The following ZNF84 variants were observed in gnomAD, a reference collection of about 807,000 sequenced individuals.
The protein encoded by ZNF84 is zinc finger protein 84.
ZNF84 carries 12 observed loss-of-function variants against 14.8 expected under a neutral mutation model. The observed-to-expected ratio is 0.81, with a 90% confidence interval of 0.52 to 1.31. The LOEUF (loss-of-function observed/expected upper bound fraction) is 1.31, where lower values mean the gene tolerates loss of function less well. Among genes scored for constraint, ZNF84 ranks in the 50% most tolerant of loss-of-function variants. The pLI is 0.00. For missense variants in ZNF84, 859 were observed against 878.6 expected (o/e 0.98, Z 0.28); for synonymous variants, 347 against 291.1 (o/e 1.19, Z -1.96).
At chr12:133,052,306 GGAGA>G (rs150103675) in intron 4 of ZNF84, among the ~76,000 whole-genome samples, 4 of 151,434 alleles carry the variant, frequency 2.6e-5, no homozygotes, top group Non-Finnish European at 5.9e-5. Context: ...GTGTGTACAT[GGAGA>G]GAGAGAGAGA....
chr12:133,058,512 T>C lies in ZNF84; in HGVS notation c.1797T>C (p.Tyr599=), dbSNP rs902222898. ...HQRIHTGEKP[Y]ECSLCRKAFF... ...GAATTCACACTGGAGAGAAACCCTA[T>C]GAATGCAGTCTTTGTAGGAAAGCTT... Residue 599 remains tyrosine (Y), a synonymous_variant, in exon 5 of 5, where the codon TAT becomes TAC. Coordinates refer to ENST00000539354, the MANE Select transcript of ZNF84 (RefSeq NM_001289971.2). 9.9e-6 allele frequency: 16 copies of C among 1,614,010 alleles called. No individual in the cohort carries two copies. The highest frequency in any genetic ancestry group is 1.4e-5 in the Non-Finnish European group (16 of 1,180,004).
intron 2 of ZNF84, chr12:133,047,731 T>C (rs1954006618): frequency 2.6e-6 from 1 of 382,254 alleles, no homozygotes; most frequent in Non-Finnish European, 4.9e-6. Context: ...CAAACATCAT[T>C]TTCTTCTGGA....
chr12:133,040,587 AAAAG>A (rs1466350815), intron 1 of ZNF84: 4 of 151,780 alleles, frequency 2.6e-5, no homozygotes, highest in African/African-American at 4.8e-5. Context: ...AAAAAAAAAA[AAAAG>A]AATGCTGATG....
chr12:133,049,169 CG>C (rs1279282116), intron 4 of ZNF84, among the ~76,000 whole-genome samples: 3 of 152,162 alleles, frequency 2.0e-5, no homozygotes, highest in Non-Finnish European at 4.4e-5. Flanking sequence ...TTGGCCATGA[CG>C]TTATTCTCTG....
chr12:133,037,742 T>TG (rs1953809499), intron 1 of ZNF84, 197 bp downstream of exon 1: 1 of 152,198 alleles, frequency 6.6e-6, no homozygotes. Context: ...TTCTGGGCTG[T>TG]GGGGCGGGCA....
In ZNF84 at chr12:133,059,067, A is replaced by G. The variant is rs1954213518; in HGVS notation, c.*135A>G. ...ATGAGAACTCTAAATGAGGTGGTGT[A>G]TGGAAAGCCGATCATAATTCATAGA... On this transcript the variant is annotated 3_prime_UTR_variant, in exon 5 of 5. Transcript: ENST00000539354. 1.1e-6 allele frequency: 1 copy of G among 877,078 alleles called. No homozygotes were observed. Among genetic ancestry groups the G allele is most frequent in the Non-Finnish European group, 1.7e-6 (1 of 579,440 alleles). The allele number at this position is 877,078 out of a possible 1,614,324, so 54.3% of individuals were successfully genotyped here. A position where few individuals can be genotyped will look rare whatever the true frequency, so the allele number is the denominator to read the frequency against.
At position 133,058,393 on chromosome 12, in the gene ZNF84, A is replaced by C; in HGVS notation, c.1678A>C (p.Thr560Pro). Residue 560 changes from threonine (T) to proline (P), a missense_variant, in exon 5 of 5, where the codon ACT (threonine) becomes CCT (proline). Physicochemically the swap from Thr to Pro is conservative, Grantham distance 38 (BLOSUM62 -1). Coordinates refer to ENST00000539354, the MANE Select transcript of ZNF84 (RefSeq NM_001289971.2). ...CTTTGGTGAGAAGTCAAGTCTTGCA[A>C]CTCATCAGAGAACTCATACTGGAGA... ...KAFGEKSSLA[T>P]HQRTHTGEKP... The C allele has an allele frequency of 6.2e-7, 1 of 1,614,052 alleles. No homozygotes were observed. Among genetic ancestry groups the C allele is most frequent in the Non-Finnish European group, 8.5e-7 (1 of 1,180,006 alleles).
intron 3 of ZNF84, 38 bp from the exon 4 acceptor site, chr12:133,048,715 A>G: frequency 6.5e-7 from 1 of 1,546,946 alleles, no homozygotes. Flanking sequence ...AACCCCAAGC[A>G]GTTGGGCCCA....
Position 133,041,566 on chromosome 12 carries a change from T to C in ZNF84, c.15+84T>C, listed in dbSNP as rs1486895206. On this transcript the variant is annotated intron_variant, in intron 2 of 4. Transcript: ENST00000539354. ...TTCCGGTGAAAAAGAAAAGTTTAAATAGTTAAGAAATCAGAGGAAAATAGC... is the reference window on the plus strand; with the variant it reads ...TTCCGGTGAAAAAGAAAAGTTTAAACAGTTAAGAAATCAGAGGAAAATAGC... The C allele has an allele frequency of 4.2e-6, 6 of 1,424,132 alleles. No homozygotes were observed. In the East Asian group the frequency reaches 1.4e-4, roughly 32 times the overall value. 88.2% of individuals were successfully genotyped at this position (1,424,132 alleles called of 1,614,324 possible). A position where few individuals can be genotyped will look rare whatever the true frequency, so the allele number is the denominator to read the frequency against.
Position 133,048,844 on chromosome 12 carries a change from T to C in ZNF84, c.234T>C (p.Ser78=), listed in dbSNP as rs1028935556. 26 of 1,612,488 alleles carry C rather than the reference T, an allele frequency of 1.6e-5. No individual in the cohort carries two copies. The highest frequency in any genetic ancestry group is 2.2e-5 in the Non-Finnish European group (26 of 1,179,044). Residue 78 remains serine, a synonymous_variant, in exon 4 of 5, where the codon TCT becomes TCC. Transcript: ENST00000539354. ...ATGGAGAAATTCCAAGTTCAGATTC[T>C]CCAGGTGAGTGTATGAGAACCAGGC... ...VGDGEIPSSD[S]PEVWKVDGNM...
Position 133,058,264 on chromosome 12 carries a change from T to C in ZNF84, c.1549T>C (p.Cys517Arg). 1 of 1,614,070 alleles carries C rather than the reference T, an allele frequency of 6.2e-7. No individual in the cohort carries two copies. The highest frequency in any genetic ancestry group is 8.5e-7 in the Non-Finnish European group (1 of 1,180,006). Residue 517 changes from cysteine (C) to arginine (R), a missense_variant, in exon 5 of 5, where the codon TGC (cysteine) becomes CGC (arginine). Coordinates refer to ENST00000539354, the MANE Select transcript of ZNF84 (RefSeq NM_001289971.2). ...RIHTGEKPYV[C>R]SECGKAFCQK... ...TCATACAGGAGAAAAACCATATGTA[T>C]GCAGTGAATGTGGGAAAGCCTTTTG...
At chr12:133,044,966 T>C (rs626373) in intron 2 of ZNF84, among the ~76,000 whole-genome samples, 141,267 of 152,160 alleles carry the variant, frequency 0.93, 65,804 homozygotes, top group East Asian at 1. Flanking sequence ...TATGTTGGCA[T>C]AAGTTTGTAA....
chr12:133,041,286 TC>T lies in ZNF84; in HGVS notation c.-180del, dbSNP rs1953882719. 1.6e-6 allele frequency: 1 copy of T among 618,994 alleles called. No individual in the cohort carries two copies. Among genetic ancestry groups the T allele is most frequent in the Non-Finnish European group, 2.9e-6 (1 of 347,184 alleles). 38.3% of individuals were successfully genotyped at this position (618,994 alleles called of 1,614,324 possible). On this transcript the variant is annotated 5_prime_UTR_variant, in exon 2 of 5. Transcript: ENST00000539354. ...GTACATTTCTCCCGAAGTCCACAGA[TC>T]CTGGTCCCTACAAATAAGCCTGCTC...
rs1954200203 is a variant in ZNF84 at position 133,058,438 on chromosome 12, G to C, written c.1723G>C (p.Asp575His). The C allele has an allele frequency of 6.2e-7, 1 of 1,614,020 alleles. No homozygotes were observed. The highest frequency in any genetic ancestry group is 1.3e-5 in the African/African-American group (1 of 74,982). Residue 575 changes from aspartate to histidine, a missense_variant, in exon 5 of 5, where the codon GAC becomes CAC. Asp to His is a moderately conservative substitution (Grantham distance 81). Transcript: ENST00000539354. ...HTGEKPYECR[D>H]CEKAFSQKSQ... ...TGGAGAAAAACCGTATGAATGCAGG[G>C]ACTGTGAAAAAGCTTTCTCCCAGAA...
Position 133,057,011 on chromosome 12 carries a change from A to C in ZNF84, c.296A>C (p.Lys99Thr). ...MWHQDNQDKL[K>T]IIKRGHECDA... Reference sequence around the variant, plus strand: ...CACCAGGATAACCAAGACAAGCTTAAAATTATAAAAAGAGGTCATGAATGT... The same window carrying C: ...CACCAGGATAACCAAGACAAGCTTACAATTATAAAAAGAGGTCATGAATGT... The change falls in exon 5 of 5, where the codon AAA becomes ACA. Residue 99 changes from lysine (K) to threonine (T), a missense_variant. Lys to Thr is a moderately conservative substitution (Grantham distance 78). Transcript: ENST00000539354. 2.5e-6 allele frequency: 4 copies of C among 1,607,174 alleles called. No individual in the cohort carries two copies. The South Asian group carries it at 4.5e-5, about 18-fold the overall frequency.
In ZNF84 at chr12:133,057,946, G is replaced by A; in HGVS notation, c.1231G>A (p.Ala411Thr). ...CTATGAATGCAGCGAGTGTAGGAAA[G>A]CATTTAGAGAGAGGTCGAGTCTCAT... ...KPYECSECRKAFRERSSLINH... is the reference protein window; with the variant it reads ...KPYECSECRKTFRERSSLINH... Residue 411 changes from alanine (A) to threonine (T), a missense_variant, in exon 5 of 5, where the codon GCA (alanine) becomes ACA (threonine). Ala to Thr is a moderately conservative substitution (Grantham distance 58, BLOSUM62 0). Coordinates refer to ENST00000539354, the MANE Select transcript of ZNF84 (RefSeq NM_001289971.2). 1 of 1,614,022 alleles carries A rather than the reference G, an allele frequency of 6.2e-7. No individual in the cohort carries two copies. Among genetic ancestry groups the A allele is most frequent in the South Asian group, 1.1e-5 (1 of 91,062 alleles).
Position 133,047,990 on chromosome 12 carries a change from C to T in ZNF84, c.51C>T (p.Phe17=). ...CATTTGACGATTTATCTGTGGACTTCACCCAAAAGGAGTGGCAGCTACTGG... is the reference window on the plus strand; with the variant it reads ...CATTTGACGATTTATCTGTGGACTTTACCCAAAAGGAGTGGCAGCTACTGG... ...SFSFDDLSVD[F]TQKEWQLLDP... is the part of the protein sequence containing the mutation. Residue 17 remains phenylalanine (F), a synonymous_variant, in exon 3 of 5, where the codon TTC becomes TTT. Coordinates refer to ENST00000539354, the MANE Select transcript of ZNF84 (RefSeq NM_001289971.2). 6.2e-7 allele frequency: 1 copy of T among 1,614,124 alleles called. No individual in the cohort carries two copies. The highest frequency in any genetic ancestry group is 1.1e-5 in the South Asian group (1 of 91,082).
chr12:133,057,330 ACT>A lies in ZNF84; in HGVS notation c.618_619del (p.Tyr207Ter), dbSNP rs1954177397. 3.1e-6 allele frequency: 5 copies of A among 1,613,236 alleles called. No individual in the cohort carries two copies. The highest frequency in any genetic ancestry group is 4.2e-6 in the Non-Finnish European group (5 of 1,179,856). On this transcript the variant is annotated frameshift_variant, in exon 5 of 5. Coordinates refer to ENST00000539354, the MANE Select transcript of ZNF84 (RefSeq NM_001289971.2). LOFTEE classifies it low-confidence loss of function (END_TRUNC). Reference sequence around the variant, plus strand: ...ATCATAGAAATCGTTTAGGGGAGAAACTCTATGAATGCAGTGAATGTAGGAAG... The same window carrying A: ...ATCATAGAAATCGTTTAGGGGAGAAACTATGAATGCAGTGAATGTAGGAAG... ...IYHRNRLGEK[L>X]YECSECRKRF...
chr12:133,047,360 G>C (rs1297718708), intron 2 of ZNF84, among the ~76,000 whole-genome samples: 1 of 152,064 alleles, frequency 6.6e-6, no homozygotes, highest in Non-Finnish European at 1.5e-5. Context: ...CCACAGCCTC[G>C]TACAAAGGCC....
Sources: gnomAD v4.1 joint callset for allele counts (sites outside exome capture counted in the v4.1 genomes callset) on GRCh38, gnomAD v4.1.1 for gene constraint, MANE v1.5 for transcripts, NCBI Gene and HGNC (gene_info 2026-07-23, HGNC 2026-07-21) for gene names.